PCDHGB6: variants seen among roughly 807,000 people sequenced by gnomAD.
PCDHGB6 encodes the protein protocadherin gamma subfamily B, 6.
Under a neutral mutation model 59.1 loss-of-function variants are expected in PCDHGB6, and 51 were observed. The ratio of observed to expected loss-of-function variants is 0.86; its 90% CI spans 0.69 to 1.09. PCDHGB6 has a LOEUF of 1.09. PCDHGB6 is among the 50% of genes least tolerant of loss of function. PCDHGB6 has a pLI of 0.00. For missense variants in PCDHGB6, 1,148 were observed against 1,205.1 expected, an observed-to-expected ratio of 0.95 and a Z score of 0.70; for synonymous variants, 466 against 495.1, an observed-to-expected ratio of 0.94 and a Z score of 0.78.
intron 1 of PCDHGB6, among the ~76,000 whole-genome samples, chr5:141,475,504 T>C (rs1202550150): frequency 1.3e-5 from 2 of 152,254 alleles, no homozygotes; most frequent in Non-Finnish European, 2.9e-5. Flanking sequence ...AAATTATTAA[T>C]GTCTCCACGG....
chr5:141,410,976 C>G (rs750121743), intron 1 of PCDHGB6: 28 of 178,158 alleles, frequency 1.6e-4, no homozygotes, highest in Non-Finnish European at 2.6e-4. Context: ...GCCTCAGCCT[C>G]CCAAGTAGCT....
chr5:141,439,171 C>T (rs948650584), intron 1 of PCDHGB6, among the ~76,000 whole-genome samples: 3 of 146,478 alleles, frequency 2.0e-5, no homozygotes, highest in Non-Finnish European at 3.0e-5. Context: ...CCAGCCTGGG[C>T]GACATAGTGA....
chr5:141,418,542 T>A (rs1260030087), intron 1 of PCDHGB6: 1 of 1,614,028 alleles, frequency 6.2e-7, no homozygotes, highest in South Asian at 1.1e-5. Context: ...ACTGCTCAGA[T>A]AAGAATCCTG....
chr5:141,481,317 C>T (rs2099535550), intron 1 of PCDHGB6, among the ~76,000 whole-genome samples: 1 of 152,182 alleles, frequency 6.6e-6, no homozygotes, highest in African/African-American at 2.4e-5. Context: ...CTTCCTAAAG[C>T]ACTAGCCCCT....
At chr5:141,492,385 G>A (rs1224771842) in intron 1 of PCDHGB6, among the ~76,000 whole-genome samples, 1 of 152,208 alleles carries the variant, frequency 6.6e-6, no homozygotes, top group Non-Finnish European at 1.5e-5. Context: ...GGCCTGTTCC[G>A]GTCCACTCGC....
At chr5:141,473,369 G>T (rs888984972) in intron 1 of PCDHGB6, among the ~76,000 whole-genome samples, 1 of 152,200 alleles carries the variant, frequency 6.6e-6, no homozygotes, top group Non-Finnish European at 1.5e-5. Flanking sequence ...CACCAAAATA[G>T]CATGGTCCCT....
intron 1 of PCDHGB6, among the ~76,000 whole-genome samples, chr5:141,425,551 T>C (rs1472337722): frequency 1.3e-5 from 2 of 152,270 alleles, no homozygotes. Context: ...CAGAAACCTC[T>C]TTTATAAGTG....
intron 1 of PCDHGB6, among the ~76,000 whole-genome samples, chr5:141,479,138 T>G (rs1469363480): frequency 6.6e-6 from 1 of 152,232 alleles, no homozygotes; most frequent in Non-Finnish European, 1.5e-5. Flanking sequence ...GCACCCTGCT[T>G]ACAAAATATT....
rs185055424 is a variant in PCDHGB6, at chr5:141,457,894, G to A, written c.2419-36913G>A. Among the ~76,000 whole-genome samples the A allele has an allele frequency of 3.2e-3, 488 of 152,332 alleles. 1 individual carries two copies. Among genetic ancestry groups the A allele is most frequent in the Non-Finnish European group, 5.0e-3 (342 of 68,028 alleles). On this transcript the variant is annotated intron_variant, in intron 1 of 3. Transcript: ENST00000520790. ...GTTAGGAACCCTGTGTGGGGACTGT[G>A]TAGACAAGGTGTGAGGCCAGTTCTC...
intron 1 of PCDHGB6, chr5:141,415,752 T>TG: frequency 1.6e-5 from 22 of 1,372,540 alleles, no homozygotes; most frequent in Middle Eastern, 2.6e-4. Flanking sequence ...TTTTTTTTTT[T>TG]TTTTTTTTTT....
In PCDHGB6 at chr5:141,453,631, T is replaced by C. The variant is rs114710858; in HGVS notation, c.2419-41176T>C. On this transcript the variant is annotated intron_variant, in intron 1 of 3. Transcript: ENST00000520790. ...AACGCAAAAACAAAACCTATACATATTTATATTTTCTTATGTCCTCTTCTT... is the reference window on the plus strand; with the variant it reads ...AACGCAAAAACAAAACCTATACATACTTATATTTTCTTATGTCCTCTTCTT... Among the ~76,000 whole-genome samples the C allele has an allele frequency of 8.2e-3, 1,249 of 152,332 alleles. 7 individuals are homozygous for C. Among genetic ancestry groups the C allele is most frequent in the Non-Finnish European group, 0.013 (893 of 68,030 alleles).
chr5:141,465,995 A>C lies in PCDHGB6; in HGVS notation c.2419-28812A>C, dbSNP rs551920109. On this transcript the variant is annotated intron_variant, in intron 1 of 3. Coordinates refer to ENST00000520790, the MANE Select transcript of PCDHGB6 (RefSeq NM_018926.3). ...AAATTAGCCGGGCATGGTGGCAGGC[A>C]CCTGTAGTCCCAGCTACTCGGGAGG... Among the ~76,000 whole-genome samples the C allele has an allele frequency of 1.3e-4, 20 of 151,982 alleles. No homozygotes were observed. In the South Asian group the frequency reaches 4.2e-3, roughly 32 times the overall value.
intron 1 of PCDHGB6, among the ~76,000 whole-genome samples, chr5:141,460,961 A>ATATG (rs1463306338): frequency 3.5e-5 from 5 of 144,556 alleles, no homozygotes; most frequent in African/African-American, 1.3e-4. Flanking sequence ...GTATATATAT[A>ATATG]TGTGTGTGTG....
chr5:141,427,994 C>T, intron 1 of PCDHGB6: 1 of 1,599,396 alleles, frequency 6.3e-7, no homozygotes, highest in Non-Finnish European at 8.6e-7. Flanking sequence ...CCGATGGCTC[C>T]GCACTCTTCG....
rs35482758 is a variant in PCDHGB6, at chr5:141,473,653, G to A, written c.2419-21154G>A. On this transcript the variant is annotated intron_variant, in intron 1 of 3. Coordinates refer to ENST00000520790, the MANE Select transcript of PCDHGB6 (RefSeq NM_018926.3). ...AGCTTTCCTGGCAAAGGAACAATTT[G>A]TGTGAAGGCCCTGAGACAGGGAAGG... Among the ~76,000 whole-genome samples, 302 of 152,274 alleles carry A rather than the reference G, an allele frequency of 2.0e-3. 1 individual carries two copies. Among genetic ancestry groups the A allele is most frequent in the Middle Eastern group, 0.01 (3 of 294 alleles).
intron 1 of PCDHGB6, among the ~76,000 whole-genome samples, chr5:141,488,190 G>A (rs1162264945): frequency 1.3e-5 from 2 of 152,164 alleles, no homozygotes; most frequent in African/African-American, 4.8e-5. Flanking sequence ...CTTTTGGTCT[G>A]GGTCTTAGGA....
In PCDHGB6 at chr5:141,409,393, T is replaced by C. The variant is rs539937433; in HGVS notation, c.1191T>C (p.Ser397=). 4.8e-5 allele frequency: 77 copies of C among 1,614,062 alleles called. 1 individual carries two copies. In the East Asian group the frequency reaches 1.7e-3, roughly 35 times the overall value. The change falls in exon 1 of 4, where the codon TCT becomes TCC. Residue 397 remains serine (S), a synonymous_variant. Coordinates refer to ENST00000520790, the MANE Select transcript of PCDHGB6 (RefSeq NM_018926.3). ...ACATTCCATTCAAGATTTATTCTTC[T>C]TCCAATAACTACTACAAACTGGTGA... The part of the protein sequence containing the change: ...ETDIPFKIYS[S]SNNYYKLVTD...
At position 141,489,297 on chromosome 5, in the gene PCDHGB6, G is replaced by A. The variant is rs184934961; in HGVS notation, c.2419-5510G>A. 5.1e-6 allele frequency: 8 copies of A among 1,583,774 alleles called. No homozygotes were observed. Among genetic ancestry groups the A allele is most frequent in the Non-Finnish European group, 6.9e-6 (8 of 1,164,904 alleles). ...GGAAATGGCAAGTGCTGTGCATGTT[G>A]TCCTTGTGCTGCTGGGGCTGGGTGT... is the stretch of plus-strand genomic sequence containing the variant. On this transcript the variant is annotated intron_variant, in intron 1 of 3. Coordinates refer to ENST00000520790, the MANE Select transcript of PCDHGB6 (RefSeq NM_018926.3). This position sits in a 1 kb window ranked among gnomAD's most constrained non-coding sequence, Gnocchi z 4.5.
chr5:141,502,518 T>C (rs1388007900), intron 2 of PCDHGB6, among the ~76,000 whole-genome samples: 1 of 152,184 alleles, frequency 6.6e-6, no homozygotes, highest in Non-Finnish European at 1.5e-5. Flanking sequence ...CCACTATCAG[T>C]GATGCCGAGT....
Sources: gnomAD v4.1 joint callset for allele counts (sites outside exome capture counted in the v4.1 genomes callset) on GRCh38, gnomAD v4.1.1 for gene constraint, Gnocchi (gnomAD v3.1) non-coding constraint, MANE v1.5 for transcripts, NCBI Gene and HGNC (gene_info 2026-07-23, HGNC 2026-07-21) for gene names.